SCGB2B2: variants seen among roughly 807,000 people sequenced by gnomAD.
The protein encoded by SCGB2B2 is secretoglobin family 2B member 2, also known as secretoglobin-like protein.
Under a neutral mutation model 7.6 loss-of-function variants are expected in SCGB2B2, and 11 were observed. The observed-to-expected ratio is 1.45, with a 90% confidence interval of 0.91 to 2.40. The LOEUF is 2.40. Ranked by LOEUF, SCGB2B2 falls within the 30% of genes most tolerant of loss-of-function variation. SCGB2B2 has a pLI of 0.00. For missense variants in SCGB2B2, 104 were observed against 115.4 expected, an observed-to-expected ratio of 0.90 and a Z score of 0.45; for synonymous variants, 50 against 48.6, an observed-to-expected ratio of 1.03 and a Z score of -0.12.
intron 1 of SCGB2B2, among the ~76,000 whole-genome samples, chr19:34,616,515 C>T (rs11668143): frequency 0.13 from 13,198 of 99,374 alleles, 481 homozygotes; most frequent in Middle Eastern, 0.29. Flanking sequence ...TCATGTCCTT[C>T]GCCCACTTTT....
intron 1 of SCGB2B2, among the ~76,000 whole-genome samples, chr19:34,604,500 C>G (rs538950822): frequency 6.6e-6 from 1 of 152,316 alleles, no homozygotes; most frequent in East Asian, 1.9e-4. Flanking sequence ...AGCTGAAACA[C>G]CAGCCAAACT....
At chr19:34,649,156 T>C (rs2067098425) in intron 1 of SCGB2B2, among the ~76,000 whole-genome samples, 1 of 152,188 alleles carries the variant, frequency 6.6e-6, no homozygotes, top group African/African-American at 2.4e-5. Flanking sequence ...TCCGCCCACC[T>C]CGGCCTCCCA....
intron 1 of SCGB2B2, among the ~76,000 whole-genome samples, chr19:34,641,291 C>T (rs1403277573): frequency 6.6e-6 from 1 of 152,152 alleles, no homozygotes; most frequent in African/African-American, 2.4e-5. Flanking sequence ...ATGCAGACAT[C>T]CATTGTGCAC....
intron 1 of SCGB2B2, among the ~76,000 whole-genome samples, chr19:34,631,558 A>G (rs1329545706): frequency 7.0e-6 from 1 of 142,990 alleles, no homozygotes; most frequent in Non-Finnish European, 1.5e-5. Flanking sequence ...CTTGAGACAT[A>G]TAAGATTTGC....
chr19:34,589,398 C>T (rs1467710890), downstream of SCGB2B2, among the ~76,000 whole-genome samples: 1 of 152,150 alleles, frequency 6.6e-6, no homozygotes, highest in Non-Finnish European at 1.5e-5. Flanking sequence ...AGAGGTTTTG[C>T]TCAGGAGTCC....
At chr19:34,628,551 C>T (rs1359530329) in intron 1 of SCGB2B2, among the ~76,000 whole-genome samples, 2 of 151,908 alleles carry the variant, frequency 1.3e-5, no homozygotes, top group African/African-American at 2.4e-5. Context: ...CATACACCCT[C>T]CCAAGACTAA....
intron 1 of SCGB2B2, among the ~76,000 whole-genome samples, chr19:34,614,080 T>TTTTGATACATGACTCCCA (rs1302069160): frequency 3.3e-5 from 5 of 151,868 alleles, no homozygotes; most frequent in African/African-American, 1.2e-4. Context: ...ATAATTTGAC[T>TTTTGATACATGACTCCCA]GTAATGTGCC....
In SCGB2B2 at chr19:34,651,466, G is replaced by T. The variant is rs182988661; in HGVS notation, c.-2032+24164C>A. 7.9e-5 allele frequency among the ~76,000 whole-genome samples: 12 copies of T among 151,256 alleles called. 2 individuals are homozygous for T. Among genetic ancestry groups the T allele is most frequent in the African/African-American group, 3.0e-4 (12 of 40,644 alleles). ...AGGATACAAAATCAACGTATTAAAA[G>T]CAGTACCATTCCTGGACATCAACAA... On this transcript the variant is annotated intron_variant, in intron 1 of 3. Coordinates refer to ENST00000601241, the MANE Select transcript of SCGB2B2 (RefSeq NM_001025591.4).
chr19:34,676,142 G>A lies in SCGB2B2; in HGVS notation c.-2544C>T, dbSNP rs1453124854. ...CGCTGATTGGTCTATTTTACAGAGTGCTGTTTGGTCCGTTTTTACAGAGTG... is the reference window on the plus strand; with the variant it reads ...CGCTGATTGGTCTATTTTACAGAGTACTGTTTGGTCCGTTTTTACAGAGTG... On this transcript the variant is annotated 5_prime_UTR_variant, in exon 1 of 4. Coordinates refer to ENST00000601241, the MANE Select transcript of SCGB2B2 (RefSeq NM_001025591.4). The A allele has an allele frequency of 6.6e-6, 1 of 152,204 alleles. No individual in the cohort carries two copies. The highest frequency in any genetic ancestry group is 2.4e-5 in the African/African-American group (1 of 41,448). The allele number at this position is 152,204 out of a possible 1,614,324, so 9.4% of individuals were successfully genotyped here.
intron 1 of SCGB2B2, among the ~76,000 whole-genome samples, chr19:34,647,119 A>G (rs1444796765): frequency 6.6e-6 from 1 of 152,014 alleles, no homozygotes; most frequent in Non-Finnish European, 1.5e-5. Context: ...CCTGCAGCTC[A>G]GCTCTGCTCC....
chr19:34,623,160 G>A (rs2066282542), intron 1 of SCGB2B2, among the ~76,000 whole-genome samples: 1 of 152,062 alleles, frequency 6.6e-6, no homozygotes, highest in African/African-American at 2.4e-5. Context: ...TTTCTTTGCT[G>A]CCTACAGGGC....
At chr19:34,625,709 C>T (rs2066354746) in intron 1 of SCGB2B2, among the ~76,000 whole-genome samples, 2 of 152,228 alleles carry the variant, frequency 1.3e-5, no homozygotes, top group Admixed American at 6.5e-5. Context: ...CATATCCAAA[C>T]AAAAGGCAGC....
chr19:34,585,696 C>A (rs536628297), downstream of SCGB2B2, among the ~76,000 whole-genome samples: 1 of 152,070 alleles, frequency 6.6e-6, no homozygotes, highest in Non-Finnish European at 1.5e-5. Flanking sequence ...GGGTTGAAGA[C>A]GAAAGAATAG....
At chr19:34,590,107 G>A (rs2065263469), downstream of SCGB2B2, among the ~76,000 whole-genome samples, 1 of 152,202 alleles carries the variant, frequency 6.6e-6, no homozygotes. Flanking sequence ...TTTCAACCTT[G>A]AGAATGGCTT....
At chr19:34,599,543 A>C (rs1303672593) in intron 1 of SCGB2B2, among the ~76,000 whole-genome samples, 6 of 152,144 alleles carry the variant, frequency 3.9e-5, no homozygotes, top group African/African-American at 1.4e-4. Context: ...AAACCATCAG[A>C]TCTCGTGAGA....
intron 1 of SCGB2B2, chr19:34,637,782 G>A (rs1205543747): frequency 6.6e-6 from 1 of 152,024 alleles, no homozygotes; most frequent in Non-Finnish European, 1.5e-5. Flanking sequence ...ATTCTGGAAA[G>A]GCAATTAAAA....
In SCGB2B2 at chr19:34,612,022, C is replaced by CTTT. The variant is rs753968261; in HGVS notation, c.-2031-15431_-2031-15429dup. On this transcript the variant is annotated intron_variant, in intron 1 of 3. Coordinates refer to ENST00000601241, the MANE Select transcript of SCGB2B2 (RefSeq NM_001025591.4). Reference sequence around the variant, plus strand: ...TCATATATTTGTGTTTTAGAAAATTCTTTTTTTTTTTTTTTTTTTTTTTTT... The same window carrying CTTT: ...TCATATATTTGTGTTTTAGAAAATTCTTTTTTTTTTTTTTTTTTTTTTTTTTTT... Among the ~76,000 whole-genome samples the CTTT allele has an allele frequency of 2.4e-4, 10 of 41,774 alleles. 2 individuals carry two copies. Among genetic ancestry groups the CTTT allele is most frequent in the Admixed American group, 4.0e-4 (1 of 2,530 alleles). The allele number at this position is 41,774 out of a possible 152,430, so 27.4% of individuals were successfully genotyped here. A position where few individuals can be genotyped will look rare whatever the true frequency, so the allele number is the denominator to read the frequency against.
intron 1 of SCGB2B2, among the ~76,000 whole-genome samples, chr19:34,600,221 G>A (rs974171929): frequency 2.6e-5 from 4 of 152,132 alleles, no homozygotes; most frequent in African/African-American, 4.8e-5. Flanking sequence ...GGCTGGGATC[G>A]TAATGTGTCT....
chr19:34,596,837 A>G (rs1386534336), intron 1 of SCGB2B2, among the ~76,000 whole-genome samples: 1 of 151,820 alleles, frequency 6.6e-6, no homozygotes, highest in African/African-American at 2.4e-5. Flanking sequence ...GGAATAGAGG[A>G]CCTGGGAGCA....
Sources: allele counts gnomAD v4.1 joint callset (sites outside exome capture counted in the v4.1 genomes callset), GRCh38; gene constraint gnomAD v4.1.1; transcripts MANE v1.5; gene names NCBI Gene and HGNC (gene_info 2026-07-23, HGNC 2026-07-21).